HIVEP3: variants seen among roughly 807,000 people sequenced by gnomAD.
The protein encoded by HIVEP3 is transcription factor HIVEP3.
Under a neutral mutation model 152.8 loss-of-function variants are expected in HIVEP3, and 49 were observed. The ratio of observed to expected loss-of-function variants is 0.32; its 90% CI spans 0.26 to 0.41. HIVEP3 has a LOEUF of 0.41. Among genes scored for constraint, HIVEP3 ranks in the 10% least tolerant of loss-of-function variants. The pLI, the probability that HIVEP3 is intolerant of heterozygous loss-of-function variation, is 1.00. For missense variants in HIVEP3, 2,790 were observed against 3,103.3 expected (o/e 0.90, Z 2.40); for synonymous variants, 1,269 against 1,289.0 (o/e 0.98, Z 0.33).
intron 1 of HIVEP3, among the ~76,000 whole-genome samples, chr1:41,759,219 C>T (rs559954164): frequency 4.7e-4 from 72 of 151,780 alleles, no homozygotes; most frequent in African/African-American, 1.7e-3. Context: ...TTGCACCAAC[C>T]TAATATCTCT....
chr1:41,572,650 A>ATTTC (rs777844024), intron 5 of HIVEP3, among the ~76,000 whole-genome samples: 2 of 152,242 alleles, frequency 1.3e-5, no homozygotes, highest in Non-Finnish European at 2.9e-5. Context: ...AAAGGCACTG[A>ATTTC]TTAAGTAGAT....
chr1:41,959,007 G>A (rs988547810), intron 1 of HIVEP3, among the ~76,000 whole-genome samples: 1 of 152,204 alleles, frequency 6.6e-6, no homozygotes, highest in Non-Finnish European at 1.5e-5. Flanking sequence ...AACTACCACT[G>A]GACAGGAGAC....
rs577221955 is a variant in HIVEP3 at position 41,626,887 on chromosome 1, C to T, written c.-522+1862G>A. Among the ~76,000 whole-genome samples, 3 of 152,318 alleles carry T rather than the reference C, an allele frequency of 2.0e-5. No individual in the cohort carries two copies. The South Asian group carries it at 6.2e-4, about 32-fold the overall frequency. On this transcript the variant is annotated intron_variant, in intron 3 of 8. Transcript: ENST00000372583. ...CTTGGTGGAGAAAAAAGTGCTGGGT[C>T]TTTTGTAACCAGAGGCTCTGCCCCT...
intron 3 of HIVEP3, among the ~76,000 whole-genome samples, chr1:41,589,237 A>G (rs1222930079): frequency 6.6e-6 from 1 of 152,172 alleles, no homozygotes; most frequent in East Asian, 1.9e-4. Flanking sequence ...AAGAGGATGG[A>G]CAGCCTCTAC....
intron 3 of HIVEP3, among the ~76,000 whole-genome samples, chr1:41,587,445 C>T (rs1192165842): frequency 6.6e-6 from 1 of 152,170 alleles, no homozygotes; most frequent in Non-Finnish European, 1.5e-5. Flanking sequence ...AACTGGGACA[C>T]TTGGAGAATG....
chr1:41,916,122 T>C (rs1324748587), intron 1 of HIVEP3, among the ~76,000 whole-genome samples: 1 of 152,210 alleles, frequency 6.6e-6, no homozygotes, highest in African/African-American at 2.4e-5. Flanking sequence ...TCAGACTAAA[T>C]GCATCTTCTT....
intron 5 of HIVEP3, among the ~76,000 whole-genome samples, chr1:41,563,680 G>A (rs1232820988): frequency 6.6e-6 from 1 of 152,046 alleles, no homozygotes; most frequent in East Asian, 1.9e-4. Flanking sequence ...GACACCAAAG[G>A]CTATCAGATG....
intron 1 of HIVEP3, among the ~76,000 whole-genome samples, chr1:41,885,543 G>A (rs777210956): frequency 4.6e-5 from 7 of 152,164 alleles, no homozygotes; most frequent in Non-Finnish European, 7.4e-5. Flanking sequence ...GTGCATGCCT[G>A]TAGTTCCAGC....
At chr1:41,915,912 T>A (rs2124469872) in intron 1 of HIVEP3, among the ~76,000 whole-genome samples, 1 of 152,256 alleles carries the variant, frequency 6.6e-6, no homozygotes, top group East Asian at 1.9e-4. Context: ...GTAAATACAC[T>A]TTGACTCCAC....
chr1:41,578,261 A>G (rs1238333626), intron 4 of HIVEP3, among the ~76,000 whole-genome samples: 1 of 152,238 alleles, frequency 6.6e-6, no homozygotes, highest in Non-Finnish European at 1.5e-5. Context: ...TTGGTACATA[A>G]TAGGTATCCA....
At chr1:41,977,287 C>T (rs868053718) in intron 1 of HIVEP3, among the ~76,000 whole-genome samples, 14 of 152,272 alleles carry the variant, frequency 9.2e-5, no homozygotes, top group Middle Eastern at 6.8e-3. Flanking sequence ...TTCCATGGCT[C>T]CTCCAACTCC....
chr1:41,922,318 G>A (rs1644945815), upstream of HIVEP3, among the ~76,000 whole-genome samples: 1 of 152,056 alleles, frequency 6.6e-6, no homozygotes, highest in African/African-American at 2.4e-5. Context: ...AAAAGACACT[G>A]GTATAATTTC....
intron 1 of HIVEP3, among the ~76,000 whole-genome samples, chr1:41,715,072 C>G (rs1475775170): frequency 2.0e-5 from 3 of 152,188 alleles, no homozygotes; most frequent in Non-Finnish European, 4.4e-5. Context: ...TCTCAGCTCC[C>G]TAACTGCTGT....
chr1:41,579,635 G>T, intron 4 of HIVEP3, 102 bp downstream of exon 4: 1 of 1,343,110 alleles, frequency 7.4e-7, no homozygotes, highest in South Asian at 1.5e-5. Context: ...CTACTAGTCT[G>T]GCTCTAGTTC....
At chr1:41,868,638 C>A (rs958521636) in intron 1 of HIVEP3, among the ~76,000 whole-genome samples, 1 of 152,206 alleles carries the variant, frequency 6.6e-6, no homozygotes, top group Non-Finnish European at 1.5e-5. Context: ...TTAGAGCACA[C>A]CTGTGCGTGG....
chr1:41,732,731 C>G (rs1045172219), intron 1 of HIVEP3, among the ~76,000 whole-genome samples: 21 of 152,142 alleles, frequency 1.4e-4, no homozygotes, highest in African/African-American at 4.8e-4. Context: ...GCACCTGGAC[C>G]GCGACGCTCT....
At chr1:41,630,582 C>A (rs1227961518) in intron 2 of HIVEP3, among the ~76,000 whole-genome samples, 1 of 152,164 alleles carries the variant, frequency 6.6e-6, no homozygotes, top group Non-Finnish European at 1.5e-5. Context: ...GAGCTGACAG[C>A]AACCCCGGCT....
chr1:41,528,328 C>T (rs1223417918), intron 5 of HIVEP3, among the ~76,000 whole-genome samples: 4 of 125,566 alleles, frequency 3.2e-5, no homozygotes, highest in Admixed American at 7.8e-5. Context: ...TCCACACCCC[C>T]ACACTCACAC....
At chr1:41,816,253 TG>T (rs1431025167) in intron 1 of HIVEP3, among the ~76,000 whole-genome samples, 1 of 152,214 alleles carries the variant, frequency 6.6e-6, no homozygotes, top group Non-Finnish European at 1.5e-5. Flanking sequence ...TGTGGCATTT[TG>T]CTTATGGCAC....
Sources: allele counts gnomAD v4.1 joint callset (sites outside exome capture counted in the v4.1 genomes callset), GRCh38; gene constraint gnomAD v4.1.1; transcripts MANE v1.5; gene names NCBI Gene and HGNC (gene_info 2026-07-23, HGNC 2026-07-21).